KCNIP1: variants seen among roughly 807,000 people sequenced by gnomAD.
KCNIP1 encodes potassium voltage-gated channel interacting protein 1.
Under a neutral mutation model 33.0 loss-of-function variants are expected in KCNIP1, and 18 were observed. The ratio of observed to expected loss-of-function variants is 0.55; its 90% confidence interval spans 0.38 to 0.81. The LOEUF (loss-of-function observed/expected upper bound fraction) is 0.81. Ranked by LOEUF, KCNIP1 falls within the 30% of genes least tolerant of loss-of-function variation. The pLI is 0.00. For missense variants in KCNIP1, 238 were observed against 271.6 expected, an observed-to-expected ratio of 0.88 and a Z score of 0.87; for synonymous variants, 93 against 98.3, an observed-to-expected ratio of 0.95 and a Z score of 0.32.
chr5:170,472,588 C>T (rs1756759106), intron 1 of KCNIP1, among the ~76,000 whole-genome samples: 2 of 133,972 alleles, frequency 1.5e-5, no homozygotes, highest in African/African-American at 5.4e-5. Flanking sequence ...CCCTCCCACC[C>T]TCCCCCCCAA....
intron 1 of KCNIP1, among the ~76,000 whole-genome samples, chr5:170,434,447 A>C (rs1479633214): frequency 6.6e-6 from 1 of 152,190 alleles, no homozygotes; most frequent in African/African-American, 2.4e-5. Flanking sequence ...ATCGGGTGGC[A>C]TCCTGGATAG....
At chr5:170,371,102 G>A (rs1763831328) in intron 1 of KCNIP1, among the ~76,000 whole-genome samples, 1 of 152,146 alleles carries the variant, frequency 6.6e-6, no homozygotes, top group African/African-American at 2.4e-5. Flanking sequence ...CTGTGCCGGT[G>A]TACCAGTCTC....
chr5:170,532,251 T>C (rs1380809410), intron 1 of KCNIP1, among the ~76,000 whole-genome samples: 1 of 152,240 alleles, frequency 6.6e-6, no homozygotes, highest in African/African-American at 2.4e-5. Context: ...CTGACTTTAA[T>C]TTCAACTTCA....
At chr5:170,462,318 G>GACATGAATA (rs1000958481) in intron 1 of KCNIP1, among the ~76,000 whole-genome samples, 3 of 137,588 alleles carry the variant, frequency 2.2e-5, no homozygotes, top group African/African-American at 5.4e-5. Flanking sequence ...ATTGGGCTAA[G>GACATGAATA]GACATGAATA....
In KCNIP1 at chr5:170,623,360, C is replaced by T. The variant is rs192248897; in HGVS notation, c.62-95398C>T. ...CCAAGTAGCTGGGATTACAGGCACC[C>T]GCCACCATACCTGGCTAATTTTTGT... On this transcript the variant is annotated intron_variant, in intron 1 of 7. Transcript: ENST00000328939. Among the ~76,000 whole-genome samples, 476 of 152,092 alleles carry T rather than the reference C, an allele frequency of 3.1e-3. No individual in the cohort carries two copies. The Middle Eastern group carries it at 0.034, about 11-fold the overall frequency.
intron 1 of KCNIP1, among the ~76,000 whole-genome samples, chr5:170,584,040 C>T (rs1194731636): frequency 2.6e-5 from 4 of 152,116 alleles, no homozygotes; most frequent in African/African-American, 9.7e-5. Flanking sequence ...GGCTGGAACC[C>T]CCATCTGTCT....
intron 1 of KCNIP1, among the ~76,000 whole-genome samples, chr5:170,524,062 G>A (rs1360811335): frequency 2.6e-5 from 4 of 152,090 alleles, no homozygotes; most frequent in African/African-American, 7.2e-5. Flanking sequence ...GCTTTCTTGT[G>A]GTGGCCTCCT....
intron 1 of KCNIP1, among the ~76,000 whole-genome samples, chr5:170,408,868 G>T (rs1755107210): frequency 6.6e-6 from 1 of 152,176 alleles, no homozygotes; most frequent in Admixed American, 6.5e-5. Flanking sequence ...GTATTTGAAG[G>T]AAGAAGGAAG....
chr5:170,589,881 C>G (rs1758174969), intron 1 of KCNIP1, among the ~76,000 whole-genome samples: 1 of 151,956 alleles, frequency 6.6e-6, no homozygotes, highest in Non-Finnish European at 1.5e-5. Context: ...GTCCTGAAGC[C>G]CAGCCCAGAG....
At position 170,504,299 on chromosome 5, in the gene KCNIP1, C is replaced by A. The variant is rs559633351; in HGVS notation, c.-274C>A. ...TCAGGGCACCGTCCTCGGCCCTGGG[C>A]GAGGGAACCGCCGGGCCGGGTCCTC... On this transcript the variant is annotated 5_prime_UTR_variant, in exon 1 of 8. Coordinates refer to ENST00000328939, the MANE Select transcript of KCNIP1 (RefSeq NM_014592.4). The surrounding 1 kb of genome is among the most constrained non-coding windows in gnomAD (Gnocchi z 6.0). 7.5e-7 allele frequency: 1 copy of A among 1,339,104 alleles called. No homozygotes were observed. Among genetic ancestry groups the A allele is most frequent in the Non-Finnish European group, 9.5e-7 (1 of 1,048,000 alleles). 83.0% of individuals were successfully genotyped at this position (1,339,104 alleles called of 1,614,324 possible). A position where few individuals can be genotyped will look rare whatever the true frequency, so the allele number is the denominator to read the frequency against.
At chr5:170,685,776 A>G (rs1762518367) in intron 1 of KCNIP1, among the ~76,000 whole-genome samples, 1 of 152,212 alleles carries the variant, frequency 6.6e-6, no homozygotes, top group Non-Finnish European at 1.5e-5. Context: ...GGTGTGAGCC[A>G]CTGCCCAGCC....
intron 1 of KCNIP1, among the ~76,000 whole-genome samples, chr5:170,468,524 A>G (rs1193729566): frequency 6.6e-6 from 1 of 152,194 alleles, no homozygotes; most frequent in Non-Finnish European, 1.5e-5. Context: ...CCTTTCATCA[A>G]TATTTTTGGC....
At chr5:170,529,665 T>C (rs2113340128) in intron 1 of KCNIP1, among the ~76,000 whole-genome samples, 1 of 152,360 alleles carries the variant, frequency 6.6e-6, no homozygotes, top group South Asian at 2.1e-4. Flanking sequence ...ACTGTGCTCA[T>C]TGTACATGGA....
intron 1 of KCNIP1, among the ~76,000 whole-genome samples, chr5:170,618,474 AGAAG>A (rs200741878): frequency 0.08 from 9,881 of 123,154 alleles, 464 homozygotes; most frequent in Non-Finnish European, 0.094. Context: ...AAGAAAGGAA[AGAAG>A]GAAGGAAGGA....
chr5:170,476,872 A>G (rs1052354613), intron 1 of KCNIP1, among the ~76,000 whole-genome samples: 4 of 152,246 alleles, frequency 2.6e-5, no homozygotes, highest in Non-Finnish European at 5.9e-5. Context: ...AACATAAATT[A>G]CCAAGCACAG....
intron 1 of KCNIP1, among the ~76,000 whole-genome samples, chr5:170,626,978 CACAG>C (rs1363856353): frequency 2.6e-5 from 4 of 152,308 alleles, no homozygotes; most frequent in South Asian, 2.1e-4. Flanking sequence ...CAGCTGGTGA[CACAG>C]ACAGACAGGG....
chr5:170,595,591 G>A (rs1057145793), intron 1 of KCNIP1, among the ~76,000 whole-genome samples: 5 of 152,192 alleles, frequency 3.3e-5, no homozygotes, highest in Non-Finnish European at 7.3e-5. Flanking sequence ...GAGTGCGTAG[G>A]TTTCAGAATG....
intron 5 of KCNIP1, among the ~76,000 whole-genome samples, chr5:170,723,536 G>A (rs953354557): frequency 6.6e-6 from 1 of 152,130 alleles, no homozygotes; most frequent in Non-Finnish European, 1.5e-5. Flanking sequence ...ATAGATATCA[G>A]CACCAATCTT....
In KCNIP1 at chr5:170,390,517, A is replaced by AAATAT; in HGVS notation, c.88+36554_88+36555insATATA. Among the ~76,000 whole-genome samples, 630 of 74,486 alleles carry AAATAT rather than the reference A, an allele frequency of 8.5e-3. 35 individuals carry two copies. The highest frequency in any genetic ancestry group is 0.012 in the Non-Finnish European group (468 of 40,192). 48.9% of individuals were successfully genotyped at this position (74,486 alleles called of 152,430 possible). On this transcript the variant is annotated intron_variant, in intron 1 of 7. Transcript: ENST00000377360. ...GACCCCGTCTCAAAAAAAAAAAACA[A>AAATAT]ATATATATATATATATATATATTTT...
Sources: allele counts gnomAD v4.1 joint callset (sites outside exome capture counted in the v4.1 genomes callset), GRCh38; gene constraint gnomAD v4.1.1; non-coding constraint Gnocchi (gnomAD v3.1); transcripts MANE v1.5; gene names NCBI Gene and HGNC (gene_info 2026-07-23, HGNC 2026-07-21).